The following CHRM5 variants were observed in gnomAD, a reference collection of about 807,000 sequenced individuals.
CHRM5 encodes muscarinic acetylcholine receptor M5.
In CHRM5, 18 loss-of-function variants were observed where a neutral mutation model predicts 39.0. That is an observed-to-expected ratio of 0.46 (90% CI 0.32 to 0.68). The LOEUF is 0.68. CHRM5 is among the 30% of genes least tolerant of loss of function. CHRM5 has a pLI of 0.04. For missense variants in CHRM5, 515 were observed against 651.1 expected (o/e 0.79, Z 2.28); for synonymous variants, 241 against 246.3 (o/e 0.98, Z 0.20).
intron 1 of CHRM5, among the ~76,000 whole-genome samples, chr15:33,980,798 A>G (rs1173434881): frequency 6.6e-6 from 1 of 152,232 alleles, no homozygotes; most frequent in Admixed American, 6.5e-5. Flanking sequence ...CATGTGTACC[A>G]TATGCAAAAC....
At chr15:34,011,022 T>C (rs1897613547) in intron 1 of CHRM5, among the ~76,000 whole-genome samples, 1 of 152,118 alleles carries the variant, frequency 6.6e-6, no homozygotes, top group Non-Finnish European at 1.5e-5. Context: ...ATGACAGTTT[T>C]CGATATTTGA....
chr15:34,016,748 G>A (rs1041880511), intron 1 of CHRM5, among the ~76,000 whole-genome samples: 5 of 152,258 alleles, frequency 3.3e-5, no homozygotes, highest in African/African-American at 9.6e-5. Context: ...CAGCGTAACC[G>A]TTTGGTCAAA....
Position 34,064,154 on chromosome 15 carries a change from G to T in CHRM5, c.1437G>T (p.Leu479Phe), listed in dbSNP as rs1900446943. The T allele has an allele frequency of 6.2e-7, 1 of 1,614,116 alleles. No homozygotes were observed. Residue 479 changes from leucine (L) to phenylalanine (F), a missense_variant, in exon 3 of 3, where the codon TTG becomes TTT. Coordinates refer to ENST00000383263, the MANE Select transcript of CHRM5 (RefSeq NM_012125.4). The stretch of plus-strand genomic sequence containing the variant: ...GTGTCCCAGTCACCCTGTGGCACTT[G>T]GGCTATTGGTTGTGCTATGTCAATA... ...DKCVPVTLWH[L>F]GYWLCYVNST...
rs78383790 is a variant in CHRM5 at position 34,062,874 on chromosome 15, A to T, written c.157A>T (p.Ile53Phe). Reference sequence around the variant, plus strand: ...CATTGTGGGCAATGTCTTGGTCATGATCTCCTTCAAAGTCAACAGCCAGCT... The same window carrying T: ...CATTGTGGGCAATGTCTTGGTCATGTTCTCCTTCAAAGTCAACAGCCAGCT... ...ITIVGNVLVMISFKVNSQLKT... is the reference protein window; with the variant it reads ...ITIVGNVLVMFSFKVNSQLKT... Residue 53 changes from isoleucine (I) to phenylalanine (F), a missense_variant, in exon 3 of 3, where the codon ATC (isoleucine) becomes TTC (phenylalanine). Coordinates refer to ENST00000383263, the MANE Select transcript of CHRM5 (RefSeq NM_012125.4). The T allele has an allele frequency of 2.5e-4, 408 of 1,614,148 alleles. 1 individual carries two copies. In the African/African-American group the frequency reaches 5.1e-3, roughly 20 times the overall value.
intron 1 of CHRM5, among the ~76,000 whole-genome samples, chr15:34,038,306 TA>T (rs1199948055): frequency 1.4e-4 from 22 of 152,240 alleles, no homozygotes. Flanking sequence ...TACTGTGTAC[TA>T]GGCATTGCAC....
At chr15:34,047,307 G>A (rs59502570) in intron 2 of CHRM5, among the ~76,000 whole-genome samples, 14,877 of 152,102 alleles carry the variant, frequency 0.098, 1,137 homozygotes, top group East Asian at 0.31. Context: ...TGGATCTCCT[G>A]ACCTGATGAT....
At position 34,063,339 on chromosome 15, in the gene CHRM5, G is replaced by C. The variant is rs1328286304; in HGVS notation, c.622G>C (p.Val208Leu). 6.2e-7 allele frequency: 1 copy of C among 1,614,112 alleles called. No individual in the cohort carries two copies. Among genetic ancestry groups the C allele is most frequent in the Admixed American group, 1.7e-5 (1 of 60,010 alleles). Residue 208 changes from valine (V) to leucine (L), a missense_variant, in exon 3 of 3, where the codon GTC becomes CTC. By Grantham distance (32) the Val-to-Leu change is conservative. Coordinates refer to ENST00000383263, the MANE Select transcript of CHRM5 (RefSeq NM_012125.4). This position sits in a 1 kb window ranked among gnomAD's most constrained non-coding sequence, Gnocchi z 4.1. ...TGCTGCCTTCTACATCCCTGTTTCT[G>C]TCATGACCATCCTCTACTGTCGAAT... ...AIAAFYIPVS[V>L]MTILYCRIYR... is the part of the protein sequence containing the mutation.
chr15:33,984,472 G>A (rs1046924352), intron 1 of CHRM5, among the ~76,000 whole-genome samples: 9 of 151,544 alleles, frequency 5.9e-5, no homozygotes, highest in South Asian at 4.2e-4. Flanking sequence ...GCATGATCTC[G>A]GCTCACTGCA....
At chr15:34,025,346 G>A (rs1457410477) in intron 1 of CHRM5, among the ~76,000 whole-genome samples, 2 of 152,140 alleles carry the variant, frequency 1.3e-5, no homozygotes, top group East Asian at 1.9e-4. Context: ...TTATAAAATC[G>A]ACAAGAAGTT....
chr15:34,021,099 A>C (rs1465341699), intron 1 of CHRM5, among the ~76,000 whole-genome samples: 1 of 152,084 alleles, frequency 6.6e-6, no homozygotes, highest in African/African-American at 2.4e-5. Context: ...TCTCCTTTTC[A>C]GTTCTTCCCC....
intron 1 of CHRM5, among the ~76,000 whole-genome samples, chr15:34,015,040 G>A (rs1897822494): frequency 6.6e-6 from 1 of 152,146 alleles, no homozygotes; most frequent in African/African-American, 2.4e-5. Flanking sequence ...CCTGAAGCCT[G>A]AAAAGCTGTC....
intron 1 of CHRM5, among the ~76,000 whole-genome samples, 197 bp from the exon 2 acceptor site, chr15:34,046,343 G>GAAAAAA (rs56286203): frequency 7.1e-6 from 1 of 141,434 alleles, no homozygotes; most frequent in Non-Finnish European, 1.5e-5. Flanking sequence ...AGTGAGGCAG[G>GAAAAAA]AAAAAAAAAA....
chr15:34,047,511 A>C (rs1407763382), intron 2 of CHRM5, among the ~76,000 whole-genome samples: 1 of 152,098 alleles, frequency 6.6e-6, no homozygotes, highest in Non-Finnish European at 1.5e-5. Context: ...CTTCCCTGGC[A>C]CCTCACAAGA....
chr15:34,004,564 A>G (rs746964546), intron 1 of CHRM5, among the ~76,000 whole-genome samples: 18 of 152,164 alleles, frequency 1.2e-4, no homozygotes, highest in Non-Finnish European at 2.4e-4. Flanking sequence ...CCACTAATTT[A>G]TTGTTTGTTT....
chr15:34,014,083 C>T (rs936240612), intron 1 of CHRM5, among the ~76,000 whole-genome samples: 2 of 152,256 alleles, frequency 1.3e-5, no homozygotes, highest in Non-Finnish European at 2.9e-5. Context: ...ACACATTTAG[C>T]TGGGCACAGT....
At chr15:34,035,500 G>C (rs1483078028) in intron 1 of CHRM5, among the ~76,000 whole-genome samples, 1 of 152,160 alleles carries the variant, frequency 6.6e-6, no homozygotes. Flanking sequence ...AGGCTCTGGA[G>C]TGAAAATGCT....
In CHRM5 at chr15:34,063,133, G is replaced by A. The variant is rs372901279; in HGVS notation, c.416G>A (p.Arg139Gln). 9.9e-6 allele frequency: 16 copies of A among 1,613,926 alleles called. No individual in the cohort carries two copies. Among genetic ancestry groups the A allele is most frequent in the African/African-American group, 4.0e-5 (3 of 74,876 alleles). ...TCCATCACAAGACCCTTGACATATC[G>A]GGCCAAGCGTACTCCGAAAAGGGCT... ...YFSITRPLTYRAKRTPKRAGI... is the reference protein window; with the variant it reads ...YFSITRPLTYQAKRTPKRAGI... The change falls in exon 3 of 3, where the codon CGG (arginine) becomes CAG (glutamine). Residue 139 changes from arginine to glutamine, a missense_variant. Arg to Gln is a conservative substitution (Grantham distance 43). Transcript: ENST00000383263. This position sits in a 1 kb window ranked among gnomAD's most constrained non-coding sequence, Gnocchi z 4.1.
chr15:34,053,239 G>T (rs1287049615), intron 2 of CHRM5, among the ~76,000 whole-genome samples: 1 of 142,580 alleles, frequency 7.0e-6, no homozygotes, highest in African/African-American at 2.6e-5. Context: ...GGCAGAGGTT[G>T]CAGTGAGCCA....
chr15:34,011,439 G>A (rs1266257043), intron 1 of CHRM5, among the ~76,000 whole-genome samples: 3 of 152,252 alleles, frequency 2.0e-5, no homozygotes, highest in East Asian at 1.9e-4. Context: ...GCATATATGT[G>A]AATTATCTCT....
Sources: allele counts gnomAD v4.1 joint callset (sites outside exome capture counted in the v4.1 genomes callset), GRCh38; gene constraint gnomAD v4.1.1; non-coding constraint Gnocchi (gnomAD v3.1); transcripts MANE v1.5; gene names NCBI Gene and HGNC (gene_info 2026-07-23, HGNC 2026-07-21).